EGFLAM: variants seen among roughly 807,000 people sequenced by gnomAD.
EGFLAM encodes EGF like, fibronectin type III and laminin G domains.
EGFLAM carries 79 observed loss-of-function variants against 113.1 expected under a neutral mutation model. The ratio of observed to expected loss-of-function variants is 0.70; its 90% CI spans 0.58 to 0.84. EGFLAM has a LOEUF of 0.84. Among genes scored for constraint, EGFLAM ranks in the 40% least tolerant of loss-of-function variants. EGFLAM has a pLI of 0.00. For missense variants in EGFLAM, 1,265 were observed against 1,291.6 expected (o/e 0.98, Z 0.32); for synonymous variants, 504 against 487.6 (o/e 1.03, Z -0.44).
At chr5:38,427,445 A>C in intron 14 of EGFLAM, 193 bp downstream of exon 14, 1 of 828,808 alleles carries the variant, frequency 1.2e-6, no homozygotes, top group South Asian at 2.1e-5. Flanking sequence ...TCTCCTGCCC[A>C]CAAGGCTTCC....
chr5:38,396,277 A>C (rs959836925), intron 6 of EGFLAM, among the ~76,000 whole-genome samples: 1 of 151,592 alleles, frequency 6.6e-6, no homozygotes, highest in Non-Finnish European at 1.5e-5. Flanking sequence ...AGAGAGAGAG[A>C]GAACCCACCA....
chr5:38,408,035 C>G (rs1423709288), intron 9 of EGFLAM, 130 bp downstream of exon 9: 1 of 656,854 alleles, frequency 1.5e-6, no homozygotes, highest in African/African-American at 1.8e-5. Flanking sequence ...GACACAGAGC[C>G]TGTCTCTAAA....
At chr5:38,384,109 G>C (rs956461768) in intron 6 of EGFLAM, among the ~76,000 whole-genome samples, 1 of 152,134 alleles carries the variant, frequency 6.6e-6, no homozygotes, top group African/African-American at 2.4e-5. Flanking sequence ...CAGTGGTGGA[G>C]CTCACTGGAG....
intron 19 of EGFLAM, among the ~76,000 whole-genome samples, chr5:38,454,652 G>A (rs968200793): frequency 6.6e-6 from 1 of 152,194 alleles, no homozygotes; most frequent in Non-Finnish European, 1.5e-5. Context: ...AAGGGGCACA[G>A]ATCTGTGCAG....
In EGFLAM at chr5:38,458,326, T is replaced by G; in HGVS notation, c.2703T>G (p.Ser901Arg). ...GALVFSYNLG[S>R]GVASIMVNGS... ...AATGCCTTAGCTATAACCTGGGCAG[T>G]GGTGTGGCATCCATCATGGTGAATG... Residue 901 changes from serine to arginine, a missense_variant, in exon 20 of 22, where the codon AGT becomes AGG. Physicochemically the swap from Ser to Arg is moderately radical, Grantham distance 110. Transcript: ENST00000322350. The G allele has an allele frequency of 6.2e-7, 1 of 1,614,072 alleles. No homozygotes were observed. The highest frequency in any genetic ancestry group is 8.5e-7 in the Non-Finnish European group (1 of 1,179,976).
At chr5:38,448,410 CT>C in intron 18 of EGFLAM, 31 bp downstream of exon 18, 1 of 1,604,320 alleles carries the variant, frequency 6.2e-7, no homozygotes, top group Non-Finnish European at 8.5e-7. Flanking sequence ...CCTTCCTCAG[CT>C]TTCTGGGGGT....
chr5:38,458,416 A>G, intron 20 of EGFLAM, 22 bp downstream of exon 20: 1 of 1,611,488 alleles, frequency 6.2e-7, no homozygotes. Context: ...CCGCAGCATG[A>G]GGCAGAGCCA....
intron 1 of EGFLAM, among the ~76,000 whole-genome samples, chr5:38,260,539 T>C (rs1217794218): frequency 6.6e-6 from 1 of 152,254 alleles, no homozygotes; most frequent in African/African-American, 2.4e-5. Flanking sequence ...GCCAGGAATA[T>C]GCCATGCTGG....
chr5:38,445,771 G>A lies in EGFLAM; in HGVS notation c.2465-2530G>A, dbSNP rs891969035. The A allele has an allele frequency of 6.6e-6, 10 of 1,518,314 alleles. No individual in the cohort carries two copies. The Admixed American group carries it at 1.0e-4, about 15-fold the overall frequency. The allele number at this position is 1,518,314 out of a possible 1,614,324, so 94.1% of individuals were successfully genotyped here. A position where few individuals can be genotyped will look rare whatever the true frequency, so the allele number is the denominator to read the frequency against. On this transcript the variant is annotated intron_variant, in intron 17 of 21. Transcript: ENST00000322350. ...GCTGGGGCAGGCCAACCGCATGCAG[G>A]GGGACCCGGGGTGAGTGGTGTGGGA...
chr5:38,447,050 T>C (rs901975810), intron 17 of EGFLAM, among the ~76,000 whole-genome samples: 1 of 152,246 alleles, frequency 6.6e-6, no homozygotes, highest in African/African-American at 2.4e-5. Flanking sequence ...TTATTCTACC[T>C]TAATTTCTTT....
intron 18 of EGFLAM, 135 bp from the exon 19 acceptor site, chr5:38,451,179 TG>T: frequency 8.5e-7 from 1 of 1,182,788 alleles, no homozygotes; most frequent in Non-Finnish European, 1.2e-6. Context: ...GTGCGACTCG[TG>T]GTAATGAAGT....
rs752230942 is a variant in EGFLAM, at chr5:38,350,547, G to C, written c.338G>C (p.Ser113Thr). 1 of 1,614,076 alleles carries C rather than the reference G, an allele frequency of 6.2e-7. No individual in the cohort carries two copies. Among genetic ancestry groups the C allele is most frequent in the Non-Finnish European group, 8.5e-7 (1 of 1,179,952 alleles). Residue 113 changes from serine (S) to threonine (T), a missense_variant, in exon 4 of 22, where the codon AGC becomes ACC. Transcript: ENST00000322350. ...DLKPGTEYRV[S>T]IAAYSQAGKG... ...AAACCAGGCACTGAATATCGTGTGA[G>C]CATAGCAGCTTACAGCCAGGCTGGC...
rs58187584 is a variant in EGFLAM at position 38,423,506 on chromosome 5, A to G, written c.1685-1461A>G. On this transcript the variant is annotated intron_variant, in intron 12 of 21. Coordinates refer to ENST00000322350, the MANE Select transcript of EGFLAM (RefSeq NM_152403.4). ...TAATGTAATCCTTTTCTGTACATCT[A>G]AAATAACATACAAGGATCCCGCTTC... Among the ~76,000 whole-genome samples the G allele has an allele frequency of 2.3e-3, 347 of 152,326 alleles. 2 individuals carry two copies. The highest frequency in any genetic ancestry group is 0.01 in the Middle Eastern group (3 of 294).
At position 38,401,327 on chromosome 5, in the gene EGFLAM, T is replaced by C. The variant is rs537276742; in HGVS notation, c.713-4799T>C. On this transcript the variant is annotated intron_variant, in intron 6 of 21. Transcript: ENST00000322350. ...GACTGAACTATCTTTAGATACTTGA[T>C]GCCAAAAAAAATTGTGCAATAGAGT... The C allele has an allele frequency of 2.0e-5, 3 of 152,276 alleles. No homozygotes were observed. In the South Asian group the frequency reaches 6.2e-4, roughly 32 times the overall value. The allele number at this position is 152,276 out of a possible 1,614,324, so 9.4% of individuals were successfully genotyped here.
chr5:38,409,056 G>C lies in EGFLAM; in HGVS notation c.1301G>C (p.Arg434Thr). The C allele has an allele frequency of 1.9e-6, 3 of 1,595,448 alleles. No individual in the cohort carries two copies. The highest frequency in any genetic ancestry group is 2.6e-6 in the Non-Finnish European group (3 of 1,169,900). The change falls in exon 10 of 22, where the codon AGG (arginine) becomes ACG (threonine). Residue 434 changes from arginine (R) to threonine (T), a missense_variant. By Grantham distance (71) the Arg-to-Thr change is moderately conservative. Coordinates refer to ENST00000322350, the MANE Select transcript of EGFLAM (RefSeq NM_152403.4). Reference sequence around the variant, plus strand: ...TACTGTGGGGAGAACGAACACGGGAGGGGGGATTTCATGTCCCTGGCTATC... The same window carrying C: ...TACTGTGGGGAGAACGAACACGGGACGGGGGATTTCATGTCCCTGGCTATC... ...LLYCGENEHG[R>T]GDFMSLAIIR...
intron 6 of EGFLAM, among the ~76,000 whole-genome samples, chr5:38,392,201 A>G (rs907246922): frequency 2.0e-5 from 3 of 152,190 alleles, no homozygotes; most frequent in Admixed American, 1.3e-4. Context: ...AAGTGAGAAC[A>G]TGAAGTATTT....
intron 11 of EGFLAM, among the ~76,000 whole-genome samples, chr5:38,412,952 A>T (rs958376301): frequency 6.6e-6 from 1 of 152,098 alleles, no homozygotes; most frequent in Non-Finnish European, 1.5e-5. Flanking sequence ...GCCCAAGGAC[A>T]TGTTCTCTTT....
intron 1 of EGFLAM, among the ~76,000 whole-genome samples, chr5:38,277,491 G>C (rs1757915588): frequency 1.3e-5 from 2 of 151,992 alleles, no homozygotes; most frequent in Admixed American, 6.6e-5. Flanking sequence ...TTTTTTCTAA[G>C]ATCTGGAATG....
chr5:38,445,563 G>T, intron 17 of EGFLAM: 1 of 1,594,852 alleles, frequency 6.3e-7, no homozygotes, highest in Non-Finnish European at 8.5e-7. Context: ...CTCGGGCAGA[G>T]CTTTGTGAGA....
Sources: allele counts gnomAD v4.1 joint callset (sites outside exome capture counted in the v4.1 genomes callset), GRCh38; gene constraint gnomAD v4.1.1; transcripts MANE v1.5; gene names NCBI Gene and HGNC (gene_info 2026-07-23, HGNC 2026-07-21).